Variants in CAMKMT observed in about 807,000 individuals in gnomAD.
CAMKMT encodes the protein calmodulin-lysine N-methyltransferase, also known as CaM KMT.
A neutral mutation model predicts 48.0 loss-of-function variants in CAMKMT; 53 were observed. The observed-to-expected ratio is 1.10, with a 90% CI of 0.89 to 1.39. The LOEUF (loss-of-function observed/expected upper bound fraction) is 1.39, where lower values mean the gene tolerates loss of function less well. CAMKMT is among the 40% of genes most tolerant of loss of function. CAMKMT has a pLI of 0.00. For synonymous variants in CAMKMT, 165 were observed against 152.3 expected (o/e 1.08, Z -0.61); for missense variants, 428 against 402.7 (o/e 1.06, Z -0.54).
chr2:44,651,755 G>A (rs770571393), intron 3 of CAMKMT, among the ~76,000 whole-genome samples: 4 of 152,090 alleles, frequency 2.6e-5, no homozygotes, highest in East Asian at 1.9e-4. Flanking sequence ...CCCAACTTTC[G>A]TATAATTTAA....
chr2:44,662,236 C>T (rs1490795166), intron 3 of CAMKMT, among the ~76,000 whole-genome samples: 1 of 152,224 alleles, frequency 6.6e-6, no homozygotes, highest in Non-Finnish European at 1.5e-5. Context: ...CCCTTGTTCT[C>T]TCTCCTGTTG....
At chr2:44,464,352 A>G (rs979697633) in intron 3 of CAMKMT, among the ~76,000 whole-genome samples, 1 of 152,226 alleles carries the variant, frequency 6.6e-6, no homozygotes, top group African/African-American at 2.4e-5. Context: ...ATGGTGTACC[A>G]TCTGGCTGAC....
intron 8 of CAMKMT, among the ~76,000 whole-genome samples, chr2:44,745,251 T>C (rs1470846994): frequency 6.6e-6 from 1 of 152,060 alleles, no homozygotes; most frequent in Non-Finnish European, 1.5e-5. Context: ...AGATTTAGAG[T>C]TAAATTTGTC....
intron 3 of CAMKMT, among the ~76,000 whole-genome samples, chr2:44,686,677 T>C (rs1676358191): frequency 6.6e-6 from 1 of 152,234 alleles, no homozygotes; most frequent in African/African-American, 2.4e-5. Flanking sequence ...GCTACATTTA[T>C]GGGAGCATTT....
chr2:44,407,740 G>A (rs767743301), intron 3 of CAMKMT, among the ~76,000 whole-genome samples: 1 of 152,168 alleles, frequency 6.6e-6, no homozygotes. Flanking sequence ...AGGCAAGAGG[G>A]CATCTTGGGT....
At chr2:44,666,735 A>G (rs586104) in intron 3 of CAMKMT, among the ~76,000 whole-genome samples, 94,650 of 151,580 alleles carry the variant, frequency 0.62, 30,030 homozygotes, top group Middle Eastern at 0.73. Flanking sequence ...CTCAGCCTCC[A>G]AGTAGCTGGG....
intron 1 of CAMKMT, among the ~76,000 whole-genome samples, chr2:44,363,781 C>G (rs1174121607): frequency 6.6e-6 from 1 of 151,386 alleles, no homozygotes; most frequent in Non-Finnish European, 1.5e-5. Context: ...CCTCCGCCTC[C>G]CTGGTTCAAG....
rs998503567 is a variant in CAMKMT at position 44,651,138 on chromosome 2, G to C, written c.377-53145G>C. Among the ~76,000 whole-genome samples, 3 of 152,180 alleles carry C rather than the reference G, an allele frequency of 2.0e-5. No homozygotes were observed. In the South Asian group the frequency reaches 6.2e-4, roughly 32 times the overall value. On this transcript the variant is annotated intron_variant, in intron 3 of 10. Transcript: ENST00000378494. ...AGAGCATTTGGCAAATACATCCAGA[G>C]CTATAAAATGTTCATTCAATTGATG...
intron 7 of CAMKMT, among the ~76,000 whole-genome samples, chr2:44,742,448 G>C (rs533210588): frequency 1.3e-5 from 2 of 152,132 alleles, no homozygotes; most frequent in Non-Finnish European, 2.9e-5. Flanking sequence ...AGGATACAGC[G>C]TAGGAATTGG....
At chr2:44,392,318 A>G (rs1315070717) in intron 3 of CAMKMT, among the ~76,000 whole-genome samples, 1 of 152,136 alleles carries the variant, frequency 6.6e-6, no homozygotes, top group East Asian at 1.9e-4. Flanking sequence ...TGTTTTGTGT[A>G]CCTTTTATGT....
chr2:44,471,259 G>A (rs1668402632), intron 3 of CAMKMT, among the ~76,000 whole-genome samples: 1 of 151,976 alleles, frequency 6.6e-6, no homozygotes, highest in South Asian at 2.1e-4. Context: ...CCAAAGTGCT[G>A]GCATTACAGG....
At chr2:44,622,519 C>T (rs1434407084) in intron 3 of CAMKMT, among the ~76,000 whole-genome samples, 1 of 152,066 alleles carries the variant, frequency 6.6e-6, no homozygotes, top group African/African-American at 2.4e-5. Flanking sequence ...CTTATATTCC[C>T]CAATGTCTGT....
At chr2:44,457,965 A>G (rs1330478199) in intron 3 of CAMKMT, among the ~76,000 whole-genome samples, 3 of 152,008 alleles carry the variant, frequency 2.0e-5, no homozygotes, top group African/African-American at 7.3e-5. Context: ...TAGTGTAAAG[A>G]ACATCCCCCA....
chr2:44,546,282 C>T (rs1164958842), intron 3 of CAMKMT, among the ~76,000 whole-genome samples: 3 of 151,804 alleles, frequency 2.0e-5, no homozygotes, highest in African/African-American at 7.3e-5. Flanking sequence ...CCTTCTTAGC[C>T]CAAAGCCGCT....
chr2:44,650,233 G>A (rs866404572), intron 3 of CAMKMT, among the ~76,000 whole-genome samples: 9 of 152,060 alleles, frequency 5.9e-5, no homozygotes, highest in East Asian at 3.9e-4. Context: ...AATCTTTGGC[G>A]TCCCTGGGCT....
At chr2:44,473,927 T>C (rs1318352275) in intron 3 of CAMKMT, among the ~76,000 whole-genome samples, 1 of 152,204 alleles carries the variant, frequency 6.6e-6, no homozygotes, top group Non-Finnish European at 1.5e-5. Context: ...AGTTGTTCTA[T>C]TTAGAGATTA....
At chr2:44,511,790 G>C (rs1195255367) in intron 3 of CAMKMT, among the ~76,000 whole-genome samples, 1 of 152,184 alleles carries the variant, frequency 6.6e-6, no homozygotes, top group East Asian at 1.9e-4. Context: ...TTTATCTTTT[G>C]GTTGGGTCCC....
At chr2:44,581,639 T>C (rs1184489910) in intron 3 of CAMKMT, among the ~76,000 whole-genome samples, 2 of 152,242 alleles carry the variant, frequency 1.3e-5, no homozygotes, top group African/African-American at 4.8e-5. Flanking sequence ...GGGATTACTT[T>C]TATAGACAAA....
In CAMKMT at chr2:44,758,027, C is replaced by G. The variant is rs75432658; in HGVS notation, c.762+3909C>G. On this transcript the variant is annotated intron_variant, in intron 9 of 10. Coordinates refer to ENST00000378494, the MANE Select transcript of CAMKMT (RefSeq NM_024766.5). ...CTGAACACCTGTAGCAGGCCCTGTA[C>G]TGGTTCTGGGAGGATTGCCTACCTG... Among the ~76,000 whole-genome samples the G allele has an allele frequency of 1.7e-3, 259 of 152,338 alleles. 4 individuals are homozygous for G. In the East Asian group the frequency reaches 0.042, roughly 25 times the overall value.
Sources: allele counts gnomAD v4.1 joint callset (sites outside exome capture counted in the v4.1 genomes callset), GRCh38; gene constraint gnomAD v4.1.1; transcripts MANE v1.5; gene names NCBI Gene and HGNC (gene_info 2026-07-23, HGNC 2026-07-21).